The following RALGPS1 variants were observed in gnomAD, a reference collection of about 807,000 sequenced individuals.
The protein encoded by RALGPS1 is ras-specific guanine nucleotide-releasing factor RalGPS1.
RALGPS1 carries 19 observed loss-of-function variants against 78.8 expected under a neutral mutation model. The observed-to-expected ratio is 0.24, with a 90% CI of 0.17 to 0.35. The LOEUF (loss-of-function observed/expected upper bound fraction) is 0.35, where lower values mean the gene tolerates loss of function less well. RALGPS1 is among the 10% of genes least tolerant of loss of function. The pLI is 1.00. For missense variants in RALGPS1, 454 were observed against 688.3 expected, an observed-to-expected ratio of 0.66 and a Z score of 3.81; for synonymous variants, 228 against 256.3, an observed-to-expected ratio of 0.89 and a Z score of 1.06.
intron 10 of RALGPS1, among the ~76,000 whole-genome samples, chr9:127,172,571 G>C (rs2059621289): frequency 6.6e-6 from 1 of 152,196 alleles, no homozygotes; most frequent in Non-Finnish European, 1.5e-5. Context: ...GATGCTCTCT[G>C]CCCGTCATAG....
At chr9:126,979,727 C>T (rs763642178) in intron 4 of RALGPS1, among the ~76,000 whole-genome samples, 2 of 152,168 alleles carry the variant, frequency 1.3e-5, no homozygotes, top group African/African-American at 4.8e-5. Flanking sequence ...GAAGGTACCT[C>T]ATCAACACAT....
chr9:127,047,670 G>A (rs969917994), intron 5 of RALGPS1, among the ~76,000 whole-genome samples: 1 of 150,682 alleles, frequency 6.6e-6, no homozygotes, highest in Non-Finnish European at 1.5e-5. Context: ...CTGCACTCCA[G>A]CCTCGGTGAC....
chr9:127,178,487 G>GACA, intron 11 of RALGPS1: 1 of 990,150 alleles, frequency 1.0e-6, no homozygotes, highest in African/African-American at 1.7e-5. Flanking sequence ...GGTGGAACTT[G>GACA]ATCATGGTGA....
At chr9:127,142,588 G>A (rs921445667) in intron 8 of RALGPS1, among the ~76,000 whole-genome samples, 2 of 152,140 alleles carry the variant, frequency 1.3e-5, no homozygotes, top group African/African-American at 4.8e-5. Flanking sequence ...GGGCCTCCAA[G>A]CTCAGTTCTC....
intron 10 of RALGPS1, among the ~76,000 whole-genome samples, chr9:127,173,872 G>C (rs2059693622): frequency 1.3e-5 from 2 of 152,124 alleles, no homozygotes; most frequent in South Asian, 4.2e-4. Flanking sequence ...AATTAGCCAG[G>C]CATGGTGGCA....
intron 8 of RALGPS1, among the ~76,000 whole-genome samples, chr9:127,115,167 T>A (rs2055269906): frequency 6.6e-6 from 1 of 152,150 alleles, no homozygotes; most frequent in Admixed American, 6.5e-5. Flanking sequence ...AGTTGAGGTC[T>A]GTTGTCTTAC....
chr9:127,141,927 A>C (rs149951012), intron 8 of RALGPS1, among the ~76,000 whole-genome samples: 2 of 152,174 alleles, frequency 1.3e-5, no homozygotes, highest in African/African-American at 2.4e-5. Context: ...AAATTATTCA[A>C]TAATAGTATG....
At chr9:127,101,906 TA>T (rs894983155) in intron 8 of RALGPS1, among the ~76,000 whole-genome samples, 2 of 152,288 alleles carry the variant, frequency 1.3e-5, no homozygotes, top group East Asian at 1.9e-4. Context: ...AAAAGTAACT[TA>T]TTTTTTTTTA....
intron 1 of RALGPS1, among the ~76,000 whole-genome samples, chr9:126,924,211 C>T (rs370154151): frequency 1.1e-4 from 16 of 152,324 alleles, no homozygotes; most frequent in East Asian, 1.9e-4. Flanking sequence ...ACCATGCCCA[C>T]GGTGAAGCAT....
chr9:127,175,992 C>T (rs1490011296), intron 11 of RALGPS1, among the ~76,000 whole-genome samples: 1 of 152,292 alleles, frequency 6.6e-6, no homozygotes, highest in Non-Finnish European at 1.5e-5. Context: ...CCCAGTAAGG[C>T]TCTGCCCTGA....
intron 4 of RALGPS1, among the ~76,000 whole-genome samples, chr9:127,012,997 T>TA (rs1403109077): frequency 6.6e-6 from 1 of 152,142 alleles, no homozygotes; most frequent in Non-Finnish European, 1.5e-5. Context: ...CAAAGTGCTA[T>TA]ATGGGAGGGG....
At chr9:127,156,754 T>C (rs2058725913) in intron 8 of RALGPS1, among the ~76,000 whole-genome samples, 1 of 152,118 alleles carries the variant, frequency 6.6e-6, no homozygotes, top group South Asian at 2.1e-4. Context: ...CCCCAATATG[T>C]CAGTCTTTTT....
intron 1 of RALGPS1, among the ~76,000 whole-genome samples, chr9:126,954,369 A>G (rs1202396605): frequency 2.0e-5 from 3 of 152,192 alleles, no homozygotes; most frequent in Non-Finnish European, 2.9e-5. Flanking sequence ...AGCTGCTGCC[A>G]TCTATTACCT....
At chr9:126,948,258 G>A (rs1227715376) in intron 1 of RALGPS1, among the ~76,000 whole-genome samples, 3 of 152,208 alleles carry the variant, frequency 2.0e-5, no homozygotes, top group African/African-American at 7.2e-5. Flanking sequence ...GCTCATGCCT[G>A]TAATCCCAAC....
intron 4 of RALGPS1, among the ~76,000 whole-genome samples, chr9:127,026,084 A>C (rs2045938447): frequency 6.6e-6 from 1 of 152,132 alleles, no homozygotes; most frequent in Admixed American, 6.5e-5. Context: ...GGAGTTTATT[A>C]AGTATTAACT....
At chr9:127,058,528 T>C (rs111666477) in intron 7 of RALGPS1, among the ~76,000 whole-genome samples, 4 of 151,974 alleles carry the variant, frequency 2.6e-5, no homozygotes, top group African/African-American at 7.3e-5. Context: ...ATCGGATATG[T>C]TGGGGAGAGC....
chr9:126,999,616 T>C (rs892258792), intron 4 of RALGPS1, among the ~76,000 whole-genome samples: 1 of 152,230 alleles, frequency 6.6e-6, no homozygotes, highest in African/African-American at 2.4e-5. Context: ...GATTTAGTAA[T>C]AAGCATTTAT....
At chr9:127,152,921 G>C (rs1364338493) in intron 8 of RALGPS1, among the ~76,000 whole-genome samples, 1 of 152,194 alleles carries the variant, frequency 6.6e-6, no homozygotes, top group Non-Finnish European at 1.5e-5. Flanking sequence ...AGCCCTGTGA[G>C]AAAGTTACAG....
At chr9:127,174,457 A>G (rs1430124531) in intron 10 of RALGPS1, among the ~76,000 whole-genome samples, 1 of 152,154 alleles carries the variant, frequency 6.6e-6, no homozygotes, top group African/African-American at 2.4e-5. Context: ...TCATCTAGAA[A>G]ATGTACTGGT....
Sources: gnomAD v4.1 joint callset for allele counts (sites outside exome capture counted in the v4.1 genomes callset) on GRCh38, gnomAD v4.1.1 for gene constraint, MANE v1.5 for transcripts, NCBI Gene and HGNC (gene_info 2026-07-23, HGNC 2026-07-21) for gene names.